The following BRINP3 variants were observed in gnomAD, a reference collection of about 807,000 sequenced individuals.
BRINP3 encodes BMP/retinoic acid-inducible neural-specific protein 3.
A neutral mutation model predicts 71.0 loss-of-function variants in BRINP3; 19 were observed. The observed-to-expected ratio is 0.27, with a 90% CI of 0.19 to 0.39. BRINP3 has a LOEUF of 0.39. Among genes scored for constraint, BRINP3 ranks in the 10% least tolerant of loss-of-function variants. The pLI is 1.00. For synonymous variants in BRINP3, 380 were observed against 337.7 expected, an observed-to-expected ratio of 1.13 and a Z score of -1.37; for missense variants, 959 against 940.8, an observed-to-expected ratio of 1.02 and a Z score of -0.25.
intron 5 of BRINP3, among the ~76,000 whole-genome samples, chr1:190,227,718 G>A (rs6697765): frequency 0.38 from 58,221 of 151,558 alleles, 12,574 homozygotes; most frequent in Non-Finnish European, 0.49. Flanking sequence ...TACATTAACA[G>A]CATCACACAC....
At chr1:190,266,215 T>A (rs546189032) in intron 3 of BRINP3, among the ~76,000 whole-genome samples, 1 of 152,338 alleles carries the variant, frequency 6.6e-6, no homozygotes, top group South Asian at 2.1e-4. Context: ...ATAAGTCACT[T>A]TTATGAAAAG....
chr1:190,121,306 A>T (rs1013945479), intron 7 of BRINP3, among the ~76,000 whole-genome samples: 21 of 152,294 alleles, frequency 1.4e-4, no homozygotes, highest in Admixed American at 1.2e-3. Context: ...AAATATTAAT[A>T]TTAGATATTA....
intron 2 of BRINP3, among the ~76,000 whole-genome samples, chr1:190,427,566 A>G (rs1470579586): frequency 6.6e-5 from 10 of 151,984 alleles, no homozygotes; most frequent in Admixed American, 6.6e-4. Context: ...TGTTAAAGGT[A>G]ATAATTGTTT....
chr1:190,401,164 G>A (rs1671893720), intron 2 of BRINP3, among the ~76,000 whole-genome samples: 5 of 151,952 alleles, frequency 3.3e-5, no homozygotes, highest in African/African-American at 1.2e-4. Context: ...TCGAGACCAG[G>A]CTGGCCAACA....
chr1:190,229,917 A>G (rs1657796650), intron 5 of BRINP3, among the ~76,000 whole-genome samples: 1 of 152,016 alleles, frequency 6.6e-6, no homozygotes, highest in South Asian at 2.1e-4. Flanking sequence ...TGATAAATTA[A>G]TTTCAATCAC....
intron 6 of BRINP3, among the ~76,000 whole-genome samples, chr1:190,176,720 G>C (rs140109765): frequency 4.6e-5 from 7 of 152,048 alleles, no homozygotes; most frequent in Non-Finnish European, 7.4e-5. Context: ...GACGGGCTAC[G>C]TTAAAGCTGT....
chr1:190,177,147 C>CGTCTT (rs1558037412), intron 6 of BRINP3, among the ~76,000 whole-genome samples: 2 of 129,870 alleles, frequency 1.5e-5, no homozygotes, highest in African/African-American at 5.8e-5. Context: ...GAAGCACCCA[C>CGTCTT]TTCTTTTTTT....
At chr1:190,108,062 A>T (rs1245985428) in intron 7 of BRINP3, among the ~76,000 whole-genome samples, 1 of 151,798 alleles carries the variant, frequency 6.6e-6, no homozygotes, top group African/African-American at 2.4e-5. Context: ...GGAGCTGAAT[A>T]GTTGTCAGAA....
At chr1:190,156,049 T>A (rs1259847527) in intron 7 of BRINP3, among the ~76,000 whole-genome samples, 1 of 152,094 alleles carries the variant, frequency 6.6e-6, no homozygotes, top group Non-Finnish European at 1.5e-5. Flanking sequence ...GAGCAAAAGT[T>A]GACTACCTCA....
At chr1:190,209,347 AAACAGT>A (rs1655788511) in intron 6 of BRINP3, among the ~76,000 whole-genome samples, 1 of 152,134 alleles carries the variant, frequency 6.6e-6, no homozygotes, top group Non-Finnish European at 1.5e-5. Context: ...TCAGTAACAC[AAACAGT>A]GAGTTTTCAA....
chr1:190,186,242 G>A (rs903943849), intron 6 of BRINP3, among the ~76,000 whole-genome samples: 10 of 151,810 alleles, frequency 6.6e-5, no homozygotes, highest in African/African-American at 2.2e-4. Context: ...GCCAGACATC[G>A]TGGCAGGTGT....
At position 190,454,837 on chromosome 1, in the gene BRINP3, C is replaced by G. The variant is rs748366766; in HGVS notation, c.54G>C (p.Trp18Cys). The change falls in exon 2 of 8, where the codon TGG (tryptophan) becomes TGC (cysteine). Residue 18 changes from tryptophan (W) to cysteine (C), a missense_variant. Coordinates refer to ENST00000367462, the MANE Select transcript of BRINP3 (RefSeq NM_199051.3). ...GAELFSLMAL[W>C]EWIALSLHCW... ...AATGAAGACTCAGTGCTATCCACTC[C>G]CATAGAGCCATCAGAGAGAACAATT... 7.0e-5 allele frequency: 113 copies of G among 1,614,046 alleles called. 1 individual carries two copies. Among genetic ancestry groups the G allele is most frequent in the South Asian group, 3.3e-4 (30 of 91,088 alleles).
At chr1:190,374,774 A>AT (rs1212169177) in intron 2 of BRINP3, among the ~76,000 whole-genome samples, 1 of 151,992 alleles carries the variant, frequency 6.6e-6, no homozygotes, top group South Asian at 2.1e-4. Context: ...AATTTAAAAC[A>AT]TTTTTAACAA....
rs185860283 is a variant in BRINP3 at position 190,353,458 on chromosome 1, T to C, written c.237-71708A>G. ...CATTAAATGATACAATTTGGTTTAA[T>C]TAAAATTTGACTATCACTAGTATAG... On this transcript the variant is annotated intron_variant, in intron 2 of 7. Coordinates refer to ENST00000367462, the MANE Select transcript of BRINP3 (RefSeq NM_199051.3). 3.6e-3 allele frequency among the ~76,000 whole-genome samples: 553 copies of C among 152,126 alleles called. 4 individuals are homozygous for C. Among genetic ancestry groups the C allele is most frequent in the Non-Finnish European group, 5.8e-3 (392 of 67,920 alleles).
At chr1:190,338,085 C>A (rs1311790795) in intron 2 of BRINP3, among the ~76,000 whole-genome samples, 1 of 152,048 alleles carries the variant, frequency 6.6e-6, no homozygotes, top group Non-Finnish European at 1.5e-5. Context: ...TCAAGGATAA[C>A]AAACTTGATC....
chr1:190,420,662 T>C (rs1673316848), intron 2 of BRINP3, among the ~76,000 whole-genome samples: 1 of 151,968 alleles, frequency 6.6e-6, no homozygotes, highest in Non-Finnish European at 1.5e-5. Flanking sequence ...GCTCCAATTG[T>C]AGAAAATTGT....
chr1:190,192,979 C>A (rs999839650), intron 6 of BRINP3, among the ~76,000 whole-genome samples: 1 of 151,770 alleles, frequency 6.6e-6, no homozygotes, highest in Admixed American at 6.6e-5. Context: ...ACTTTATGCC[C>A]CTCAAAACAT....
At chr1:190,460,394 T>A (rs1016381278) in intron 1 of BRINP3, among the ~76,000 whole-genome samples, 4 of 151,918 alleles carry the variant, frequency 2.6e-5, no homozygotes, top group African/African-American at 9.7e-5. Flanking sequence ...AAATGAATAC[T>A]AAATACATAA....
chr1:190,294,929 G>T (rs923828320), intron 2 of BRINP3, among the ~76,000 whole-genome samples: 1 of 151,698 alleles, frequency 6.6e-6, no homozygotes, highest in Non-Finnish European at 1.5e-5. Flanking sequence ...CAGTTCCCTG[G>T]GTTTCTAGGC....
Sources: gnomAD v4.1 joint callset for allele counts (sites outside exome capture counted in the v4.1 genomes callset) on GRCh38, gnomAD v4.1.1 for gene constraint, MANE v1.5 for transcripts, NCBI Gene and HGNC (gene_info 2026-07-23, HGNC 2026-07-21) for gene names.